MYT1L: variants seen among roughly 807,000 people sequenced by gnomAD.
MYT1L encodes the protein myelin transcription factor 1 like, also known as myelin transcription factor 1-like protein.
Under a neutral mutation model 126.7 loss-of-function variants are expected in MYT1L, and 12 were observed. That is an observed-to-expected ratio of 0.09 (90% CI 0.06 to 0.15). MYT1L has a LOEUF of 0.15. MYT1L is among the 10% of genes least tolerant of loss of function. MYT1L has a pLI of 1.00. For synonymous variants in MYT1L, 541 were observed against 604.2 expected, an observed-to-expected ratio of 0.90 and a Z score of 1.53; for missense variants, 979 against 1,585.2, an observed-to-expected ratio of 0.62 and a Z score of 6.49.
chr2:2,056,364 G>T (rs1574872746), intron 3 of MYT1L, among the ~76,000 whole-genome samples: 1 of 152,310 alleles, frequency 6.6e-6, no homozygotes, highest in East Asian at 1.9e-4. Context: ...GACTACCTTT[G>T]TTCCAAGATG....
rs1187877746 is a variant in MYT1L, at chr2:2,115,199, T to C, written c.-304+57673A>G. 2.6e-5 allele frequency among the ~76,000 whole-genome samples: 4 copies of C among 152,344 alleles called. No homozygotes were observed. The South Asian group carries it at 8.3e-4, about 32-fold the overall frequency. On this transcript the variant is annotated intron_variant, in intron 3 of 24. Coordinates refer to ENST00000647738, the MANE Select transcript of MYT1L (RefSeq NM_001303052.2). ...TTTAGTTTCCTCCCTTGCATTGAAA[T>C]CTTTGTAAAATACAGTAAAGTGTGT...
chr2:1,837,431 T>C (rs948958822), intron 21 of MYT1L, among the ~76,000 whole-genome samples: 6 of 152,168 alleles, frequency 3.9e-5, no homozygotes, highest in Non-Finnish European at 5.9e-5. Context: ...ATTTTATTAA[T>C]GGTGAAAGGT....
intron 4 of MYT1L, among the ~76,000 whole-genome samples, chr2:1,998,293 G>A (rs913695423): frequency 7.2e-5 from 11 of 152,190 alleles, no homozygotes; most frequent in African/African-American, 2.2e-4. Context: ...GGAGCCCTGC[G>A]ATGATGCAGC....
chr2:2,272,566 C>T (rs569804342), intron 2 of MYT1L, among the ~76,000 whole-genome samples: 14 of 152,286 alleles, frequency 9.2e-5, no homozygotes, highest in African/African-American at 3.1e-4. Context: ...TAGTGAGTTC[C>T]GACAGGAACA....
At chr2:2,112,945 A>G (rs2079657763) in intron 3 of MYT1L, among the ~76,000 whole-genome samples, 1 of 152,184 alleles carries the variant, frequency 6.6e-6, no homozygotes, top group Admixed American at 6.5e-5. Flanking sequence ...TGGCTTCATA[A>G]TCATGAGACA....
chr2:2,325,134 T>C (rs1327762635), intron 1 of MYT1L: 1 of 152,342 alleles, frequency 6.6e-6, no homozygotes, highest in Admixed American at 6.5e-5. Context: ...TTATGGTAAA[T>C]TCATGCTGTG....
intron 19 of MYT1L, 186 bp from the exon 20 acceptor site, chr2:1,841,029 A>C: frequency 1.9e-6 from 1 of 524,832 alleles, no homozygotes; most frequent in Non-Finnish European, 3.4e-6. Context: ...TCAGCCTCCC[A>C]AGTAGCTGGG....
At chr2:2,152,305 G>C (rs899704628) in intron 3 of MYT1L, among the ~76,000 whole-genome samples, 3 of 152,256 alleles carry the variant, frequency 2.0e-5, no homozygotes, top group Admixed American at 1.3e-4. Flanking sequence ...GAGCGAGAAG[G>C]TGTGAGACTT....
intron 21 of MYT1L, among the ~76,000 whole-genome samples, chr2:1,831,470 C>T (rs555076546): frequency 6.6e-6 from 1 of 152,328 alleles, no homozygotes; most frequent in African/African-American, 2.4e-5. Flanking sequence ...AACGTCGTTC[C>T]TCCCCTCTCG....
At chr2:2,037,820 T>A (rs1359145729) in intron 4 of MYT1L, among the ~76,000 whole-genome samples, 1 of 151,260 alleles carries the variant, frequency 6.6e-6, no homozygotes, top group East Asian at 1.9e-4. Context: ...AAAAACCCCC[T>A]ACACACTTCA....
intron 2 of MYT1L, among the ~76,000 whole-genome samples, chr2:2,275,377 T>G (rs891518781): frequency 6.6e-6 from 1 of 152,052 alleles, no homozygotes; most frequent in Non-Finnish European, 1.5e-5. Context: ...TACCTTAAAA[T>G]CTGTTCAGTG....
intron 1 of MYT1L, among the ~76,000 whole-genome samples, chr2:2,315,973 G>A (rs1312142639): frequency 1.3e-5 from 2 of 152,074 alleles, no homozygotes; most frequent in Non-Finnish European, 2.9e-5. Flanking sequence ...AATACTTAGA[G>A]AAAAGTTCCA....
chr2:2,124,304 CT>C (rs950554785), intron 3 of MYT1L, among the ~76,000 whole-genome samples: 33 of 149,032 alleles, frequency 2.2e-4, no homozygotes, highest in Non-Finnish European at 3.3e-4. Context: ...TATTCTTTTT[CT>C]TTTTTTTTTA....
At chr2:2,243,618 C>A (rs1363383546) in intron 2 of MYT1L, among the ~76,000 whole-genome samples, 4 of 152,192 alleles carry the variant, frequency 2.6e-5, no homozygotes, top group African/African-American at 7.2e-5. Context: ...AGGGGCCCTG[C>A]AGAAAAGTAG....
At chr2:2,218,167 A>G (rs942573762) in intron 2 of MYT1L, among the ~76,000 whole-genome samples, 1 of 152,212 alleles carries the variant, frequency 6.6e-6, no homozygotes, top group African/African-American at 2.4e-5. Context: ...GTTTGTTATA[A>G]AAGTAAGCTT....
At chr2:1,950,780 C>T (rs557638569) in intron 8 of MYT1L, among the ~76,000 whole-genome samples, 13 of 152,102 alleles carry the variant, frequency 8.5e-5, no homozygotes, top group African/African-American at 2.2e-4. Flanking sequence ...GTGGGAGCTC[C>T]GGACAGTGTA....
intron 3 of MYT1L, among the ~76,000 whole-genome samples, chr2:2,104,900 C>G (rs2078559832): frequency 6.6e-6 from 1 of 152,156 alleles, no homozygotes; most frequent in Admixed American, 6.5e-5. Flanking sequence ...TGTTACTCTT[C>G]TTTAAGGAGA....
intron 3 of MYT1L, among the ~76,000 whole-genome samples, chr2:2,141,626 A>G (rs2083990987): frequency 6.6e-6 from 1 of 152,220 alleles, no homozygotes; most frequent in East Asian, 1.9e-4. Flanking sequence ...CAGTCCACTT[A>G]AAATGTATTT....
At chr2:2,285,563 T>A (rs77551696) in intron 1 of MYT1L, among the ~76,000 whole-genome samples, 3 of 152,244 alleles carry the variant, frequency 2.0e-5, no homozygotes, top group African/African-American at 4.8e-5. Flanking sequence ...CAACTTTGCA[T>A]ATCTCTTTAC....
Sources: gnomAD v4.1 joint callset for allele counts (sites outside exome capture counted in the v4.1 genomes callset) on GRCh38, gnomAD v4.1.1 for gene constraint, MANE v1.5 for transcripts, NCBI Gene and HGNC (gene_info 2026-07-23, HGNC 2026-07-21) for gene names.